The following FAM120A variants were observed in gnomAD, a reference collection of about 807,000 sequenced individuals.
FAM120A encodes the protein constitutive coactivator of PPAR-gamma-like protein 1.
In FAM120A, 15 loss-of-function variants were observed where a neutral mutation model predicts 109.7. The ratio of observed to expected loss-of-function variants is 0.14; its 90% CI spans 0.09 to 0.21. FAM120A has a LOEUF of 0.21. FAM120A is among the 10% of genes least tolerant of loss of function. The pLI is 1.00. For missense variants in FAM120A, 899 were observed against 1,439.3 expected, an observed-to-expected ratio of 0.62 and a Z score of 6.07; for synonymous variants, 493 against 572.8, an observed-to-expected ratio of 0.86 and a Z score of 1.99.
At chr9:93,542,841 A>G (rs1260971418) in intron 10 of FAM120A, among the ~76,000 whole-genome samples, 1 of 152,228 alleles carries the variant, frequency 6.6e-6, no homozygotes, top group Non-Finnish European at 1.5e-5. Context: ...TGCATGTTAA[A>G]ATAATTAGAT....
At chr9:93,460,289 G>T (rs1160555772) in intron 1 of FAM120A, among the ~76,000 whole-genome samples, 2 of 152,164 alleles carry the variant, frequency 1.3e-5, no homozygotes, top group Non-Finnish European at 2.9e-5. Flanking sequence ...TCACAGTTCA[G>T]ATAAAAATAT....
Position 93,501,409 on chromosome 9 carries a change from G to A in FAM120A, c.1030+2523G>A, listed in dbSNP as rs148840376. 5.1e-4 allele frequency among the ~76,000 whole-genome samples: 77 copies of A among 152,244 alleles called. 1 individual carries two copies. The East Asian group carries it at 0.012, about 23-fold the overall frequency. On this transcript the variant is annotated intron_variant, in intron 5 of 17. Transcript: ENST00000277165. ...TTCTTATCAAATTATTAAGATTTTA[G>A]GTGAGTATTTTAGAGGTGAAGTTTA...
intron 7 of FAM120A, among the ~76,000 whole-genome samples, chr9:93,524,381 T>C (rs1348789862): frequency 1.3e-5 from 2 of 152,218 alleles, no homozygotes; most frequent in African/African-American, 4.8e-5. Context: ...ATTTCCATCC[T>C]AGTCTCACCA....
Position 93,543,419 on chromosome 9 carries a change from C to T in FAM120A, c.2107C>T (p.Leu703Phe). ...CATGAGGTCGGACACCCCAGCCATG[C>T]TCAACCCTGCCAACGTGCCCACTCA... ...ACMRSDTPAM[L>F]NPANVPTHLM... The change falls in exon 11 of 18, where the codon CTC (leucine) becomes TTC (phenylalanine). Residue 703 changes from leucine to phenylalanine, a missense_variant. Coordinates refer to ENST00000277165, the MANE Select transcript of FAM120A (RefSeq NM_014612.5). 6.2e-7 allele frequency: 1 copy of T among 1,614,176 alleles called. No individual in the cohort carries two copies. Among genetic ancestry groups the T allele is most frequent in the Non-Finnish European group, 8.5e-7 (1 of 1,180,026 alleles).
intron 1 of FAM120A, among the ~76,000 whole-genome samples, chr9:93,454,453 AC>A (rs1252523762): frequency 3.9e-5 from 6 of 152,076 alleles, no homozygotes; most frequent in Admixed American, 3.9e-4. Context: ...TGCTTTCCTC[AC>A]TGAAGAATCC....
At chr9:93,551,758 A>G (rs1045565470) in intron 12 of FAM120A, among the ~76,000 whole-genome samples, 1 of 152,178 alleles carries the variant, frequency 6.6e-6, no homozygotes, top group Admixed American at 6.5e-5. Context: ...AATTGTGTGG[A>G]GCTCACCTGA....
At position 93,462,210 on chromosome 9, in the gene FAM120A, AT is replaced by A. The variant is rs77483974; in HGVS notation, c.475-8929del. Among the ~76,000 whole-genome samples, 407 of 152,348 alleles carry A rather than the reference AT, an allele frequency of 2.7e-3. 17 individuals are homozygous for A. The East Asian group carries it at 0.067, about 25-fold the overall frequency. Reference sequence around the variant, plus strand: ...CTTTTTATTATTATTGTTTCTTAAAATTGTGGTAAAATACACCTAACATAAA... The same window carrying A: ...CTTTTTATTATTATTGTTTCTTAAAATGTGGTAAAATACACCTAACATAAA... On this transcript the variant is annotated intron_variant, in intron 1 of 17. Coordinates refer to ENST00000277165, the MANE Select transcript of FAM120A (RefSeq NM_014612.5).
intron 11 of FAM120A, among the ~76,000 whole-genome samples, chr9:93,549,661 C>T (rs1030223380): frequency 1.3e-5 from 2 of 152,206 alleles, no homozygotes; most frequent in African/African-American, 2.4e-5. Context: ...AAGCATGTCA[C>T]GGTTCTCTGA....
At chr9:93,482,203 T>TTTTTTTG (rs60451066) in intron 3 of FAM120A, among the ~76,000 whole-genome samples, 1 of 149,036 alleles carries the variant, frequency 6.7e-6, no homozygotes, top group Non-Finnish European at 1.5e-5. Context: ...TTTTTTTTTT[T>TTTTTTTG]GGGAGACGGA....
Position 93,451,708 on chromosome 9 carries a change from G to T in FAM120A, c.-208G>T. 1 of 980,338 alleles carries T rather than the reference G, an allele frequency of 1.0e-6. No individual in the cohort carries two copies. 60.7% of individuals were successfully genotyped at this position (980,338 alleles called of 1,614,324 possible). The stretch of plus-strand genomic sequence containing the variant: ...GCCTCGGCCTCGCAGCGGCGGCAGC[G>T]GCGGCGGCGGCAGGTCCCTCCCCAG... On this transcript the variant is annotated 5_prime_UTR_variant, in exon 1 of 18. Coordinates refer to ENST00000277165, the MANE Select transcript of FAM120A (RefSeq NM_014612.5).
intron 15 of FAM120A, among the ~76,000 whole-genome samples, chr9:93,559,067 G>A (rs1382455032): frequency 6.6e-6 from 1 of 152,198 alleles, no homozygotes; most frequent in Admixed American, 6.5e-5. Flanking sequence ...TTTTGGTAAA[G>A]ATTATCATGC....
intron 1 of FAM120A, among the ~76,000 whole-genome samples, chr9:93,455,808 G>A (rs1004596948): frequency 6.6e-6 from 1 of 151,914 alleles, no homozygotes; most frequent in African/African-American, 2.4e-5. Flanking sequence ...GATTATAGGC[G>A]CCTGCCATCA....
chr9:93,557,706 G>T, intron 13 of FAM120A, 121 bp from the exon 14 acceptor site: 1 of 979,396 alleles, frequency 1.0e-6, no homozygotes, highest in South Asian at 1.8e-5. Flanking sequence ...TGCAGACATA[G>T]AATTCATGAA....
At chr9:93,460,766 C>G (rs989108034) in intron 1 of FAM120A, among the ~76,000 whole-genome samples, 1 of 152,172 alleles carries the variant, frequency 6.6e-6, no homozygotes, top group African/African-American at 2.4e-5. Flanking sequence ...ATATGAATCA[C>G]CAGTTACAGG....
chr9:93,498,878 A>G lies in FAM120A; in HGVS notation c.1022A>G (p.His341Arg), dbSNP rs752399110. 2.5e-6 allele frequency: 4 copies of G among 1,581,524 alleles called. No individual in the cohort carries two copies. Among genetic ancestry groups the G allele is most frequent in the Non-Finnish European group, 3.5e-6 (4 of 1,150,376 alleles). The change falls in exon 5 of 18, where the codon CAT becomes CGT. Residue 341 changes from histidine to arginine, a missense_variant. Physicochemically the swap from His to Arg is conservative, Grantham distance 29. Transcript: ENST00000277165. This position sits in a 1 kb window ranked among gnomAD's most constrained non-coding sequence, Gnocchi z 4.4. ...TSKPMSFHPP[H>R]YLAARPGPFG... ...AAGCCTATGTCATTTCATCCACCACATTACTTAGGTAAGTAAATAAAAGCC... is the reference window on the plus strand; with the variant it reads ...AAGCCTATGTCATTTCATCCACCACGTTACTTAGGTAAGTAAATAAAAGCC...
intron 7 of FAM120A, 47 bp from the exon 8 acceptor site, chr9:93,527,108 G>T (rs770448026): frequency 6.6e-7 from 1 of 1,515,762 alleles, no homozygotes; most frequent in Admixed American, 1.7e-5. Flanking sequence ...ATTGTCAGCT[G>T]GTTTGTGAAA....
At chr9:93,467,493 G>T (rs896073028) in intron 1 of FAM120A, among the ~76,000 whole-genome samples, 1 of 152,082 alleles carries the variant, frequency 6.6e-6, no homozygotes, top group Admixed American at 6.6e-5. Flanking sequence ...GGTATCTGGG[G>T]CAGAGCTGGA....
chr9:93,528,311 C>T lies in FAM120A; in HGVS notation c.1507-1042C>T, dbSNP rs1043353754. Among the ~76,000 whole-genome samples, 4 of 152,302 alleles carry T rather than the reference C, an allele frequency of 2.6e-5. No individual in the cohort carries two copies. In the South Asian group the frequency reaches 8.3e-4, roughly 32 times the overall value. On this transcript the variant is annotated intron_variant, in intron 8 of 17. Transcript: ENST00000277165. ...GTGTTTTAAAAAATAAAATTAAGGA[C>T]TTAATTACACACCATTGTAAAGAGT...
intron 3 of FAM120A, among the ~76,000 whole-genome samples, chr9:93,482,337 G>A (rs927488871): frequency 6.6e-6 from 1 of 151,800 alleles, no homozygotes; most frequent in Admixed American, 6.6e-5. Flanking sequence ...ACAGGTACAC[G>A]CTGTTGCCAC....
Sources: gnomAD v4.1 joint callset for allele counts (sites outside exome capture counted in the v4.1 genomes callset) on GRCh38, gnomAD v4.1.1 for gene constraint, Gnocchi (gnomAD v3.1) non-coding constraint, MANE v1.5 for transcripts, NCBI Gene and HGNC (gene_info 2026-07-23, HGNC 2026-07-21) for gene names.